The following PARD3 variants were observed in gnomAD, a reference collection of about 807,000 sequenced individuals.
PARD3 encodes the protein par-3 family cell polarity regulator.
Under a neutral mutation model 155.4 loss-of-function variants are expected in PARD3, and 75 were observed. The observed-to-expected ratio is 0.48, with a 90% CI of 0.40 to 0.58. The LOEUF (loss-of-function observed/expected upper bound fraction) is 0.58, where lower values mean the gene tolerates loss of function less well. Among genes scored for constraint, PARD3 ranks in the 20% least tolerant of loss-of-function variants. The probability of loss-of-function intolerance (pLI) is 0.00; values close to 1 mark genes in which losing one functional copy is unlikely to be tolerated. For synonymous variants in PARD3, 576 were observed against 610.5 expected (o/e 0.94, Z 0.83); for missense variants, 1,642 against 1,721.7 (o/e 0.95, Z 0.82).
intron 2 of PARD3, among the ~76,000 whole-genome samples, chr10:34,669,171 T>A (rs2093560829): frequency 6.6e-6 from 1 of 152,138 alleles, no homozygotes; most frequent in Admixed American, 6.5e-5. Flanking sequence ...TATATGTATC[T>A]CAGCACTAGT....
chr10:34,333,996 T>C (rs1043267672), intron 18 of PARD3, among the ~76,000 whole-genome samples: 2 of 151,912 alleles, frequency 1.3e-5, no homozygotes, highest in Non-Finnish European at 2.9e-5. Flanking sequence ...TTACTAGTAA[T>C]GAAAATTGAA....
chr10:34,165,815 T>C (rs1404923556), intron 22 of PARD3, among the ~76,000 whole-genome samples: 1 of 152,214 alleles, frequency 6.6e-6, no homozygotes, highest in Non-Finnish European at 1.5e-5. Flanking sequence ...CATTGGCTGG[T>C]ATATCCCATA....
intron 1 of PARD3, among the ~76,000 whole-genome samples, chr10:34,698,741 G>A (rs1453373601): frequency 3.3e-5 from 5 of 152,162 alleles, no homozygotes; most frequent in Admixed American, 6.5e-5. Flanking sequence ...AACCACAATC[G>A]TATGGAAGAT....
chr10:34,304,702 G>A (rs1957318193), intron 20 of PARD3, among the ~76,000 whole-genome samples: 2 of 152,144 alleles, frequency 1.3e-5, no homozygotes, highest in South Asian at 4.1e-4. Flanking sequence ...ACACCTTTAT[G>A]TTTTAGTTTC....
At chr10:34,333,930 G>A (rs1835877987) in intron 18 of PARD3, among the ~76,000 whole-genome samples, 1 of 151,882 alleles carries the variant, frequency 6.6e-6, no homozygotes, top group Non-Finnish European at 1.5e-5. Flanking sequence ...CATTGATTCA[G>A]TCAAATGTCT....
At chr10:34,778,754 T>G (rs1839897623) in intron 1 of PARD3, among the ~76,000 whole-genome samples, 1 of 152,202 alleles carries the variant, frequency 6.6e-6, no homozygotes, top group Non-Finnish European at 1.5e-5. Flanking sequence ...AAGTGACAAA[T>G]TATGTTTTTA....
At chr10:34,659,140 A>T (rs1218439391) in intron 2 of PARD3, among the ~76,000 whole-genome samples, 1 of 152,160 alleles carries the variant, frequency 6.6e-6, no homozygotes, top group African/African-American at 2.4e-5. Flanking sequence ...AAAGTGAGGA[A>T]CCAGGAAACC....
chr10:34,297,448 T>TTTTTAAATGTTTTAAATCA (rs1956959434), intron 20 of PARD3, among the ~76,000 whole-genome samples: 1 of 152,220 alleles, frequency 6.6e-6, no homozygotes, highest in Non-Finnish European at 1.5e-5. Flanking sequence ...ATGCAATCAT[T>TTTTTAAATGTTTTAAATCA]TTTTAAAACA....
chr10:34,344,570 C>T (rs1837203644), intron 15 of PARD3: 1 of 984,258 alleles, frequency 1.0e-6, no homozygotes, highest in Non-Finnish European at 1.2e-6. Flanking sequence ...GCATAAGCCA[C>T]TGTGCCCAGC....
At chr10:34,803,068 A>C (rs1482934640) in intron 1 of PARD3, among the ~76,000 whole-genome samples, 1 of 120,740 alleles carries the variant, frequency 8.3e-6, no homozygotes, top group African/African-American at 3.7e-5. Context: ...TCTACTAAAA[A>C]TGAAAAAAAA....
intron 2 of PARD3, among the ~76,000 whole-genome samples, chr10:34,666,816 T>TATATATATATATATATACACAC (rs765552982): frequency 2.3e-5 from 2 of 88,768 alleles, no homozygotes; most frequent in African/African-American, 9.4e-5. Context: ...TATATATATA[T>TATATATATATATATATACACAC]ACACACACAC....
chr10:34,609,754 T>C (rs2090747644), intron 2 of PARD3, among the ~76,000 whole-genome samples: 1 of 152,194 alleles, frequency 6.6e-6, no homozygotes, highest in African/African-American at 2.4e-5. Context: ...TTGTGCAGGC[T>C]GGTCTCAAAC....
chr10:34,636,564 T>C (rs566675434), intron 2 of PARD3, among the ~76,000 whole-genome samples: 2 of 152,224 alleles, frequency 1.3e-5, no homozygotes, highest in Non-Finnish European at 2.9e-5. Flanking sequence ...AAAATCACAC[T>C]GCACCTAAGT....
Position 34,336,217 on chromosome 10 carries a change from CTGTATT to C in PARD3, c.2581_2586del (p.Asn861_Thr862del), listed in dbSNP as rs752887641. 1 of 1,612,508 alleles carries C rather than the reference CTGTATT, an allele frequency of 6.2e-7. No individual in the cohort carries two copies. The highest frequency in any genetic ancestry group is 8.5e-7 in the Non-Finnish European group (1 of 1,178,866). ...TTCTTACCTGCTTTCTGGTCATCCACTGTATTGAGTTTAGTCTCGTCAGCTACTGTT... is the reference window on the plus strand; with the variant it reads ...TTCTTACCTGCTTTCTGGTCATCCACGAGTTTAGTCTCGTCAGCTACTGTT... On this transcript the variant is annotated inframe_deletion, in exon 18 of 25. Coordinates refer to ENST00000374788, the MANE Select transcript of PARD3 (RefSeq NM_001184785.2).
chr10:34,203,128 T>C (rs1951299353), intron 22 of PARD3, among the ~76,000 whole-genome samples: 1 of 152,188 alleles, frequency 6.6e-6, no homozygotes, highest in South Asian at 2.1e-4. Context: ...GATGGTTTAG[T>C]TTTGAAGGTC....
chr10:34,193,483 A>G (rs890705858), intron 22 of PARD3, among the ~76,000 whole-genome samples: 1 of 152,198 alleles, frequency 6.6e-6, no homozygotes, highest in African/African-American at 2.4e-5. Flanking sequence ...ATGATGAAAA[A>G]GGCTCCAAAC....
chr10:34,569,236 A>G (rs1426565719), intron 2 of PARD3, among the ~76,000 whole-genome samples: 1 of 152,216 alleles, frequency 6.6e-6, no homozygotes, highest in Non-Finnish European at 1.5e-5. Context: ...AAAATCATTC[A>G]ACAGAATAAT....
intron 2 of PARD3, among the ~76,000 whole-genome samples, chr10:34,605,454 A>T (rs1420520889): frequency 6.9e-6 from 1 of 145,324 alleles, no homozygotes; most frequent in Non-Finnish European, 1.5e-5. Flanking sequence ...CGGCCTCCCA[A>T]AGTGCTGGGA....
chr10:34,115,539 AAC>A (rs998668218), intron 24 of PARD3, among the ~76,000 whole-genome samples: 28 of 152,298 alleles, frequency 1.8e-4, no homozygotes, highest in African/African-American at 6.5e-4. Flanking sequence ...TATAGTTAAT[AAC>A]AGAGTATTGT....
Sources: gnomAD v4.1 joint callset for allele counts (sites outside exome capture counted in the v4.1 genomes callset) on GRCh38, gnomAD v4.1.1 for gene constraint, MANE v1.5 for transcripts, NCBI Gene and HGNC (gene_info 2026-07-23, HGNC 2026-07-21) for gene names.